Variants in IL10RA observed in about 807,000 individuals in gnomAD.
IL10RA encodes the protein interleukin-10 receptor subunit alpha.
A neutral mutation model predicts 29.6 loss-of-function variants in IL10RA; 18 were observed. That is an observed-to-expected ratio of 0.61 (90% CI 0.42 to 0.90). The LOEUF (loss-of-function observed/expected upper bound fraction) is 0.90, where lower values mean the gene tolerates loss of function less well. Among genes scored for constraint, IL10RA ranks in the 40% least tolerant of loss-of-function variants. The pLI is 0.00. For missense variants in IL10RA, 634 were observed against 716.6 expected (o/e 0.88, Z 1.32); for synonymous variants, 292 against 294.1 (o/e 0.99, Z 0.07).
chr11:117,995,678 G>T lies in IL10RA; in HGVS notation c.778G>T (p.Val260Leu). 1 of 1,614,024 alleles carries T rather than the reference G, an allele frequency of 6.2e-7. No individual in the cohort carries two copies. Among genetic ancestry groups the T allele is most frequent in the South Asian group, 1.1e-5 (1 of 91,080 alleles). The part of the protein sequence containing the change: ...LAYCLALQLY[V>L]RRRKKLPSVL... ...CTACTGCCTGGCCCTCCAGCTGTAT[G>T]TGCGGCGCCGAAAGAAGCTACCCAG... Residue 260 changes from valine to leucine, a missense_variant, in exon 6 of 7, where the codon GTG becomes TTG. Val to Leu is a conservative substitution (Grantham distance 32). Coordinates refer to ENST00000227752, the MANE Select transcript of IL10RA (RefSeq NM_001558.4).
chr11:117,996,488 C>T (rs1302242841), intron 6 of IL10RA, among the ~76,000 whole-genome samples: 2 of 152,222 alleles, frequency 1.3e-5, no homozygotes, highest in East Asian at 3.8e-4. Context: ...TGAAGATTGC[C>T]CACCATAGCC....
chr11:117,995,144 T>C (rs4252309), intron 5 of IL10RA: 12,920 of 226,770 alleles, frequency 0.057, 819 homozygotes, highest in East Asian at 0.32. Context: ...CTGATGGTAT[T>C]GGTACATGGT....
chr11:117,993,870 G>A, intron 4 of IL10RA, 129 bp from the exon 5 acceptor site: 2 of 744,126 alleles, frequency 2.7e-6, no homozygotes, highest in Non-Finnish European at 4.8e-6. Flanking sequence ...GTAATTGTGG[G>A]GTTTGTCATC....
In IL10RA at chr11:118,000,632, C is replaced by T. The variant is rs1014770552; in HGVS notation, c.*991C>T. 4.4e-6 allele frequency: 2 copies of T among 454,116 alleles called. No individual in the cohort carries two copies. Among genetic ancestry groups the T allele is most frequent in the Admixed American group, 2.3e-5 (1 of 42,558 alleles). 28.1% of individuals were successfully genotyped at this position (454,116 alleles called of 1,614,324 possible). On this transcript the variant is annotated 3_prime_UTR_variant, in exon 7 of 7. Transcript: ENST00000227752. The stretch of plus-strand genomic sequence containing the variant: ...AAGCCACTGGGCACTGGGCTGGGGT[C>T]CCTGCCTTGTTGGTGTTCAGCTGTG...
At chr11:117,991,265 T>C (rs957022400) in intron 3 of IL10RA, among the ~76,000 whole-genome samples, 2 of 152,202 alleles carry the variant, frequency 1.3e-5, no homozygotes, top group African/African-American at 4.8e-5. Flanking sequence ...GTTTTTCTTT[T>C]AATTGACAAG....
At position 117,993,388 on chromosome 11, in the gene IL10RA, G is replaced by A. The variant is rs769225123; in HGVS notation, c.515G>A (p.Arg172His). The change falls in exon 4 of 7, where the codon CGC (arginine) becomes CAC (histidine). Residue 172 changes from arginine to histidine, a missense_variant. Arg to His is a conservative substitution (Grantham distance 29). Coordinates refer to ENST00000227752, the MANE Select transcript of IL10RA (RefSeq NM_001558.4). The part of the protein sequence containing the change: ...SHFREYEIAI[R>H]KVPGNFTFTH... ...TTCCGAGAGTATGAGATTGCCATTC[G>A]CAAGGTGCCGGGAAACTTCACGGTA... is the stretch of plus-strand genomic sequence containing the variant. 17 of 1,614,056 alleles carry A rather than the reference G, an allele frequency of 1.1e-5. No individual in the cohort carries two copies. The East Asian group carries it at 2.0e-4, about 19-fold the overall frequency.
At chr11:117,990,476 G>A (rs1202538959) in intron 3 of IL10RA, among the ~76,000 whole-genome samples, 1 of 152,074 alleles carries the variant, frequency 6.6e-6, no homozygotes, top group Non-Finnish European at 1.5e-5. Context: ...CATATTACTA[G>A]GTATTTGTTT....
Position 117,999,513 on chromosome 11 carries a change from T to A in IL10RA, c.1609T>A (p.Ser537Thr). 6 of 1,614,206 alleles carry A rather than the reference T, an allele frequency of 3.7e-6. No homozygotes were observed. Among genetic ancestry groups the A allele is most frequent in the Non-Finnish European group, 5.1e-6 (6 of 1,180,026 alleles). Residue 537 changes from serine (S) to threonine (T), a missense_variant, in exon 7 of 7, where the codon TCT (serine) becomes ACT (threonine). By Grantham distance (58) the Ser-to-Thr change is moderately conservative. Coordinates refer to ENST00000227752, the MANE Select transcript of IL10RA (RefSeq NM_001558.4). ...GAGCAGCTGCAGTGACCTGGGAATA[T>A]CTGACTGGAGCTTTGCCCATGACCT... ...ALSSCSDLGISDWSFAHDLAP... is the reference protein window; with the variant it reads ...ALSSCSDLGITDWSFAHDLAP...
In IL10RA at chr11:117,998,858, C is replaced by T. The variant is rs759956227; in HGVS notation, c.954C>T (p.Asp318=). 62 of 1,614,224 alleles carry T rather than the reference C, an allele frequency of 3.8e-5. No homozygotes were observed. Among genetic ancestry groups the T allele is most frequent in the Middle Eastern group, 3.3e-4 (2 of 6,062 alleles). The change falls in exon 7 of 7, where the codon GAC becomes GAT. Residue 318 remains aspartate, a synonymous_variant. Transcript: ENST00000227752. The part of the protein sequence containing the change: ...LKNLDLHGST[D]SGFGSTKPSL... ...ACTTGGACCTGCACGGCAGCACAGA[C>T]AGTGGCTTTGGCAGCACCAAGCCAT...
Position 118,001,163 on chromosome 11 carries a change from G to T in IL10RA, c.*1522G>T. On this transcript the variant is annotated 3_prime_UTR_variant, in exon 7 of 7. Transcript: ENST00000227752. ...CAGGCTTGAGGGAGGATTCCTCAGG[G>T]TTCCCTTGAAAGCTTTATTTATTTA... 1 of 454,230 alleles carries T rather than the reference G, an allele frequency of 2.2e-6. No individual in the cohort carries two copies. The allele number at this position is 454,230 out of a possible 1,614,324, so 28.1% of individuals were successfully genotyped here. A position where few individuals can be genotyped will look rare whatever the true frequency, so the allele number is the denominator to read the frequency against.
Position 117,986,440 on chromosome 11 carries a change from C to G in IL10RA, c.-28C>G, listed in dbSNP as rs1458346110. On this transcript the variant is annotated 5_prime_UTR_variant, in exon 1 of 7. Coordinates refer to ENST00000227752, the MANE Select transcript of IL10RA (RefSeq NM_001558.4). ...GGAGGCGCGCAGGCCGGCTCCGCTC[C>G]GGCCCCGGACGATGCGGCGCGCCCA... 1 of 1,547,332 alleles carries G rather than the reference C, an allele frequency of 6.5e-7. No homozygotes were observed. The highest frequency in any genetic ancestry group is 1.2e-5 in the South Asian group (1 of 83,946).
chr11:117,990,346 A>G (rs2058013542), intron 3 of IL10RA, among the ~76,000 whole-genome samples: 1 of 102,530 alleles, frequency 9.8e-6, no homozygotes, highest in African/African-American at 4.7e-5. Flanking sequence ...GGCCCAGGGC[A>G]TCTGTATTTT....
Position 117,999,205 on chromosome 11 carries a change from G to A in IL10RA, c.1301G>A (p.Gly434Glu). 6.2e-7 allele frequency: 1 copy of A among 1,614,230 alleles called. No homozygotes were observed. Reference sequence around the variant, plus strand: ...AGTCCCCCGGAGCCTGAGGTGCCTGGGGAAGAAGACCCAGCTGCTGTGGCA... The same window carrying A: ...AGTCCCCCGGAGCCTGAGGTGCCTGAGGAAGAAGACCCAGCTGCTGTGGCA... ...HHSPPEPEVP[G>E]EEDPAAVAFQ... The change falls in exon 7 of 7, where the codon GGG (glycine) becomes GAG (glutamate). Residue 434 changes from glycine (G) to glutamate (E), a missense_variant. Gly to Glu is a moderately conservative substitution (Grantham distance 98). Transcript: ENST00000227752.
intron 1 of IL10RA, 45 bp from the exon 2 acceptor site, chr11:117,988,337 G>A (rs759496237): frequency 6.2e-7 from 1 of 1,612,574 alleles, no homozygotes; most frequent in Non-Finnish European, 8.5e-7. Flanking sequence ...GGTCATCAAT[G>A]CCTGCCCCCC....
Position 118,001,137 on chromosome 11 carries a change from G to T in IL10RA, c.*1496G>T. 2.2e-6 allele frequency: 1 copy of T among 454,268 alleles called. No individual in the cohort carries two copies. Among genetic ancestry groups the T allele is most frequent in the South Asian group, 1.6e-5 (1 of 64,476 alleles). 28.1% of individuals were successfully genotyped at this position (454,268 alleles called of 1,614,324 possible). ...TCTGGTAACTGAACTCCCTCTGGAG[G>T]CAGGCTTGAGGGAGGATTCCTCAGG... is the stretch of plus-strand genomic sequence containing the variant. On this transcript the variant is annotated 3_prime_UTR_variant, in exon 7 of 7. Transcript: ENST00000227752.
rs763364696 is a variant in IL10RA at position 117,998,846 on chromosome 11, C to T, written c.942C>T (p.His314=). 18 of 1,614,086 alleles carry T rather than the reference C, an allele frequency of 1.1e-5. No individual in the cohort carries two copies. Among genetic ancestry groups the T allele is most frequent in the Admixed American group, 1.7e-5 (1 of 60,002 alleles). ...CAGAGCTGAAGAACTTGGACCTGCACGGCAGCACAGACAGTGGCTTTGGCA... is the reference window on the plus strand; with the variant it reads ...CAGAGCTGAAGAACTTGGACCTGCATGGCAGCACAGACAGTGGCTTTGGCA... ...VSPELKNLDL[H]GSTDSGFGST... is the part of the protein sequence containing the mutation. Residue 314 remains histidine, a synonymous_variant, in exon 7 of 7, where the codon CAC becomes CAT. Coordinates refer to ENST00000227752, the MANE Select transcript of IL10RA (RefSeq NM_001558.4).
chr11:117,999,753 C>CA lies in IL10RA; in HGVS notation c.*114dup. ...ACGAGGCAGTCTGGGCACTTTTCTG[C>CA]AAGTCCACTGGGGCTGGCCCCAGCC... On this transcript the variant is annotated 3_prime_UTR_variant, in exon 7 of 7. Coordinates refer to ENST00000227752, the MANE Select transcript of IL10RA (RefSeq NM_001558.4). 1.0e-6 allele frequency: 1 copy of CA among 975,372 alleles called. No homozygotes were observed. 60.4% of individuals were successfully genotyped at this position (975,372 alleles called of 1,614,324 possible). A position where few individuals can be genotyped will look rare whatever the true frequency, so the allele number is the denominator to read the frequency against.
At position 117,999,183 on chromosome 11, in the gene IL10RA, C is replaced by A. The variant is rs773244961; in HGVS notation, c.1279C>A (p.Pro427Thr). The change falls in exon 7 of 7, where the codon CCC (proline) becomes ACC (threonine). Residue 427 changes from proline to threonine, a missense_variant. Pro to Thr is a conservative substitution (Grantham distance 38). Transcript: ENST00000227752. ...QGGSALGHHS[P>T]PEPEVPGEED... ...TGGCTCGGCCTTGGGCCACCACAGT[C>A]CCCCGGAGCCTGAGGTGCCTGGGGA... 2 of 1,614,204 alleles carry A rather than the reference C, an allele frequency of 1.2e-6. No individual in the cohort carries two copies. Among genetic ancestry groups the A allele is most frequent in the South Asian group, 1.1e-5 (1 of 91,086 alleles).
chr11:117,996,103 G>A (rs2058054440), intron 6 of IL10RA, among the ~76,000 whole-genome samples: 1 of 152,160 alleles, frequency 6.6e-6, no homozygotes. Flanking sequence ...TACACACAGA[G>A]GGCCACACAG....
Sources: gnomAD v4.1 joint callset for allele counts (sites outside exome capture counted in the v4.1 genomes callset) on GRCh38, gnomAD v4.1.1 for gene constraint, MANE v1.5 for transcripts, NCBI Gene and HGNC (gene_info 2026-07-23, HGNC 2026-07-21) for gene names.